TENT5D: variants seen among roughly 807,000 people sequenced by gnomAD.
TENT5D encodes the protein terminal nucleotidyltransferase 5D.
For synonymous variants in TENT5D, 103 were observed against 100.6 expected (o/e 1.02, Z -0.15); for missense variants, 191 against 287.0 (o/e 0.67, Z 2.42).
upstream of TENT5D, among the ~76,000 whole-genome samples, chrX:80,418,157 G>T (rs1188799250): frequency 1.8e-5 from 2 of 110,102 alleles, no homozygotes; most frequent in African/African-American, 6.6e-5. Context: ...GATCTTTAAT[G>T]ATTTTTTTTT....
At chrX:80,366,208 AGTGTGTGTGT>A (rs3087109) in intron 3 of TENT5D, among the ~76,000 whole-genome samples, 12 of 98,470 alleles carry the variant, frequency 1.2e-4, no homozygotes, top group East Asian at 9.8e-4. Flanking sequence ...GAAGACAGGG[AGTGTGTGTGT>A]GTGTGTGTGT....
intron 3 of TENT5D, among the ~76,000 whole-genome samples, chrX:80,376,145 G>A (rs184061938): frequency 4.5e-5 from 5 of 110,100 alleles, no homozygotes; most frequent in Non-Finnish European, 9.5e-5. Context: ...AGTAATTAAC[G>A]TTTATGGCCC....
chrX:80,378,291 T>A (rs1474644677), intron 3 of TENT5D, among the ~76,000 whole-genome samples: 1 of 111,760 alleles, frequency 8.9e-6, no homozygotes, highest in Non-Finnish European at 1.9e-5. Flanking sequence ...TTTTGGTGTT[T>A]TAGACATGAA....
chrX:80,409,181 A>C (rs1931576729), intron 3 of TENT5D, among the ~76,000 whole-genome samples: 2 of 110,783 alleles, frequency 1.8e-5, no homozygotes, highest in South Asian at 7.8e-4. Context: ...CCCTTTGAAA[A>C]CTGGCACAAG....
At chrX:80,437,274 A>T (rs1003564982) in intron 1 of TENT5D, among the ~76,000 whole-genome samples, 1 of 111,946 alleles carries the variant, frequency 8.9e-6, no homozygotes, top group African/African-American at 3.2e-5. Context: ...TGGGTGAGGG[A>T]TCTTTCTGAC....
intron 3 of TENT5D, among the ~76,000 whole-genome samples, chrX:80,373,224 A>T (rs1050998389): frequency 2.7e-5 from 3 of 110,881 alleles, no homozygotes; most frequent in Non-Finnish European, 3.8e-5. Context: ...TTTTTTTCAG[A>T]ATTACATTTC....
At chrX:80,416,069 TTG>T (rs1931766445), upstream of TENT5D, among the ~76,000 whole-genome samples, 2 of 111,254 alleles carry the variant, frequency 1.8e-5, no homozygotes, top group Non-Finnish European at 3.8e-5. Flanking sequence ...GTTTTCTAGT[TTG>T]TGTGTGTAGA....
intron 3 of TENT5D, among the ~76,000 whole-genome samples, chrX:80,370,957 A>G (rs1340242677): frequency 8.9e-6 from 1 of 112,366 alleles, no homozygotes; most frequent in Non-Finnish European, 1.9e-5. Flanking sequence ...ATATGAAACT[A>G]TATAATTCTT....
At chrX:80,390,537 AT>A (rs1931103808) in intron 3 of TENT5D, among the ~76,000 whole-genome samples, 2 of 111,529 alleles carry the variant, frequency 1.8e-5, no homozygotes, top group African/African-American at 6.5e-5. Context: ...TAAGCATGAA[AT>A]TTAGGCTCAG....
chrX:80,413,634 C>T (rs1223890342), intron 3 of TENT5D, among the ~76,000 whole-genome samples: 1 of 112,002 alleles, frequency 8.9e-6, no homozygotes, highest in Non-Finnish European at 1.9e-5. Flanking sequence ...GCTTCTTCCT[C>T]ATTTTTCTCT....
intron 3 of TENT5D, among the ~76,000 whole-genome samples, chrX:80,343,299 G>A (rs191539321): frequency 3.0e-3 from 326 of 109,906 alleles, no homozygotes; most frequent in African/African-American, 0.011. Context: ...AAACAACTTT[G>A]GTTAAAACAT....
chrX:80,373,102 A>T (rs1340539343), intron 3 of TENT5D, among the ~76,000 whole-genome samples: 1 of 110,951 alleles, frequency 9.0e-6, no homozygotes, highest in Non-Finnish European at 1.9e-5. Context: ...GCTATTGCCT[A>T]TTTCATTGTG....
intron 3 of TENT5D, among the ~76,000 whole-genome samples, chrX:80,396,614 A>C (rs993704517): frequency 2.1e-4 from 23 of 110,467 alleles, no homozygotes; most frequent in East Asian, 5.8e-4. Flanking sequence ...CAACAGGATC[A>C]CAAGGCAGAA....
At chrX:80,427,395 C>G (rs1027451015) in intron 1 of TENT5D, among the ~76,000 whole-genome samples, 3 of 112,239 alleles carry the variant, frequency 2.7e-5, no homozygotes, top group African/African-American at 9.7e-5. Flanking sequence ...AGCAAACCTA[C>G]TATGTGACTT....
At chrX:80,417,695 T>A (rs1000821919), upstream of TENT5D, among the ~76,000 whole-genome samples, 2 of 111,606 alleles carry the variant, frequency 1.8e-5, no homozygotes, top group Non-Finnish European at 3.8e-5. Flanking sequence ...CTAATGGAGT[T>A]CCCTTTGTAG....
chrX:80,410,166 T>A (rs1304270297), intron 3 of TENT5D, among the ~76,000 whole-genome samples: 2 of 109,311 alleles, frequency 1.8e-5, no homozygotes, highest in African/African-American at 3.3e-5. Flanking sequence ...GCATCACCAT[T>A]CAGGACATAG....
intron 3 of TENT5D, among the ~76,000 whole-genome samples, chrX:80,351,407 T>C (rs980637417): frequency 1.5e-4 from 16 of 107,294 alleles, no homozygotes; most frequent in African/African-American, 5.4e-4. Flanking sequence ...TGATCTTCAG[T>C]CTCTGATATT....
At chrX:80,357,113 A>G (rs1373418885) in intron 3 of TENT5D, among the ~76,000 whole-genome samples, 1 of 112,026 alleles carries the variant, frequency 8.9e-6, no homozygotes, top group Non-Finnish European at 1.9e-5. Flanking sequence ...CTGGCTGCAT[A>G]GTATTCTGTG....
chrX:80,434,425 G>A lies in TENT5D; in HGVS notation c.-141-4185G>A, dbSNP rs1932144325. Among the ~76,000 whole-genome samples the A allele has an allele frequency of 1.8e-5, 2 of 111,329 alleles. 1 individual carries two copies. The highest frequency in any genetic ancestry group is 1.9e-4 in the Admixed American group (2 of 10,408). On this transcript the variant is annotated intron_variant, in intron 1 of 2. Coordinates refer to ENST00000308293, the Ensembl canonical transcript of TENT5D. The stretch of plus-strand genomic sequence containing the variant: ...ATTACCCAATATATAGTAGTTAAAA[G>A]TGTGTGAAATAACTTCATTTTAAAT...
Sources: gnomAD v4.1 joint callset for allele counts (sites outside exome capture counted in the v4.1 genomes callset) on GRCh38, gnomAD v4.1.1 for gene constraint, MANE v1.5 for transcripts, NCBI Gene and HGNC (gene_info 2026-07-23, HGNC 2026-07-21) for gene names.